TBX15: variants seen among roughly 807,000 people sequenced by gnomAD.
TBX15 encodes T-box transcription factor 15, also known as T-box transcription factor TBX15.
In TBX15, 18 loss-of-function variants were observed where a neutral mutation model predicts 53.9. The observed-to-expected ratio is 0.33, with a 90% CI of 0.23 to 0.49. The LOEUF (loss-of-function observed/expected upper bound fraction) is 0.49. TBX15 is among the 20% of genes least tolerant of loss of function. The probability of loss-of-function intolerance (pLI) is 0.98; values close to 1 mark genes in which losing one functional copy is unlikely to be tolerated. For missense variants in TBX15, 692 were observed against 749.5 expected (o/e 0.92, Z 0.90); for synonymous variants, 295 against 278.0 (o/e 1.06, Z -0.61).
rs114768630 is a variant in TBX15, at chr1:118,918,538, G to A, written c.862-4359C>T. The stretch of plus-strand genomic sequence containing the variant: ...GTAATCTCCTGTGCGACTAAAACAA[G>A]TCTGCTAGTCTACATGTCCAAACTT... On this transcript the variant is annotated intron_variant, in intron 5 of 7. Transcript: ENST00000369429. Among the ~76,000 whole-genome samples the A allele has an allele frequency of 3.7e-3, 570 of 152,282 alleles. 5 individuals are homozygous for A. Among genetic ancestry groups the A allele is most frequent in the African/African-American group, 0.013 (531 of 41,560 alleles).
rs1309949742 is a variant in TBX15 at position 118,988,059 on chromosome 1, G to C, written c.-264C>G. 1.1e-5 allele frequency: 6 copies of C among 549,770 alleles called. No individual in the cohort carries two copies. 34.1% of individuals were successfully genotyped at this position (549,770 alleles called of 1,614,324 possible). On this transcript the variant is annotated 5_prime_UTR_variant, in exon 1 of 8. Coordinates refer to ENST00000369429, the MANE Select transcript of TBX15 (RefSeq NM_001330677.2). ...CCGCCCGCTCGCTGCATGAGCGCCC[G>C]AGTCCTGCTTCCCACCCACCGGGGC... is the stretch of plus-strand genomic sequence containing the variant.
intron 1 of TBX15, among the ~76,000 whole-genome samples, chr1:118,952,888 C>G (rs1024439128): frequency 2.6e-5 from 4 of 152,128 alleles, no homozygotes; most frequent in Non-Finnish European, 5.9e-5. Context: ...CCAGGAAAAA[C>G]TGTTGTCAGC....
At chr1:118,886,943 A>G (rs980284760) in intron 7 of TBX15, among the ~76,000 whole-genome samples, 1 of 152,224 alleles carries the variant, frequency 6.6e-6, no homozygotes, top group Admixed American at 6.5e-5. Context: ...ATGCACCGAC[A>G]GACTGAGGAC....
intron 1 of TBX15, among the ~76,000 whole-genome samples, chr1:118,954,308 C>T (rs1451910806): frequency 2.0e-5 from 3 of 152,102 alleles, no homozygotes; most frequent in African/African-American, 7.2e-5. Context: ...TTCCTGGCTT[C>T]CAATGATATT....
intron 6 of TBX15, among the ~76,000 whole-genome samples, chr1:118,906,068 C>T (rs1162323099): frequency 6.6e-6 from 1 of 152,118 alleles, no homozygotes; most frequent in Non-Finnish European, 1.5e-5. Flanking sequence ...TTGACGTCAT[C>T]AACTTGGAGA....
chr1:118,938,492 TA>T (rs1166686655), intron 1 of TBX15, among the ~76,000 whole-genome samples: 1 of 152,186 alleles, frequency 6.6e-6, no homozygotes, highest in Non-Finnish European at 1.5e-5. Flanking sequence ...AGTAATTTTT[TA>T]TATCTGTTTC....
intron 1 of TBX15, among the ~76,000 whole-genome samples, chr1:118,934,801 A>T (rs1485598447): frequency 6.6e-6 from 1 of 152,220 alleles, no homozygotes; most frequent in South Asian, 2.1e-4. Flanking sequence ...GGAAATGGGC[A>T]AGTCTGTGGA....
At chr1:118,940,612 T>A (rs1176672047) in intron 1 of TBX15, among the ~76,000 whole-genome samples, 1 of 151,716 alleles carries the variant, frequency 6.6e-6, no homozygotes, top group East Asian at 1.9e-4. Flanking sequence ...TAAGTGGATA[T>A]CTATGTTTGA....
At chr1:118,945,767 A>G (rs1029707088) in intron 1 of TBX15, among the ~76,000 whole-genome samples, 1 of 152,198 alleles carries the variant, frequency 6.6e-6, no homozygotes, top group Non-Finnish European at 1.5e-5. Flanking sequence ...CCAAGCCTCT[A>G]TGCATCACTG....
At chr1:118,977,524 T>A (rs1329588102) in intron 1 of TBX15, among the ~76,000 whole-genome samples, 1 of 152,194 alleles carries the variant, frequency 6.6e-6, no homozygotes, top group African/African-American at 2.4e-5. Context: ...GGACAACTAG[T>A]AAATCCACAG....
chr1:118,987,902 G>A lies in TBX15; in HGVS notation c.-107C>T, dbSNP rs992844293. The A allele has an allele frequency of 1.0e-5, 14 of 1,398,992 alleles. No individual in the cohort carries two copies. The African/African-American group carries it at 1.9e-4, about 19-fold the overall frequency. The allele number at this position is 1,398,992 out of a possible 1,614,324, so 86.7% of individuals were successfully genotyped here. Reference sequence around the variant, plus strand: ...GGCCCGGCCCGGGAGAGGCGGAGGCGCGTCGGACGAGGCTGAGACTGCGGC... The same window carrying A: ...GGCCCGGCCCGGGAGAGGCGGAGGCACGTCGGACGAGGCTGAGACTGCGGC... On this transcript the variant is annotated 5_prime_UTR_variant, in exon 1 of 8. Coordinates refer to ENST00000369429, the MANE Select transcript of TBX15 (RefSeq NM_001330677.2).
chr1:118,919,695 C>T (rs1421143099), intron 5 of TBX15, among the ~76,000 whole-genome samples: 2 of 152,162 alleles, frequency 1.3e-5, no homozygotes, highest in African/African-American at 4.8e-5. Context: ...CAGTGCTATG[C>T]AATATAGGTC....
chr1:118,957,453 T>C (rs1656727633), intron 1 of TBX15, among the ~76,000 whole-genome samples: 1 of 152,180 alleles, frequency 6.6e-6, no homozygotes, highest in Non-Finnish European at 1.5e-5. Context: ...TCAAGATAAA[T>C]AATATTTCAA....
chr1:118,922,444 T>C (rs1571176623), intron 5 of TBX15, among the ~76,000 whole-genome samples: 1 of 152,320 alleles, frequency 6.6e-6, no homozygotes, highest in Non-Finnish European at 1.5e-5. Context: ...TAATTAGATG[T>C]CAGGTTTGTG....
chr1:118,960,166 T>C (rs1656821261), intron 1 of TBX15, among the ~76,000 whole-genome samples: 1 of 152,092 alleles, frequency 6.6e-6, no homozygotes, highest in Non-Finnish European at 1.5e-5. Flanking sequence ...GGGGACCCCC[T>C]GGCTATTTCT....
At chr1:118,986,642 G>A (rs558583847) in intron 1 of TBX15, among the ~76,000 whole-genome samples, 9 of 152,318 alleles carry the variant, frequency 5.9e-5, no homozygotes, top group African/African-American at 2.2e-4. Flanking sequence ...GGGCTTGTCA[G>A]CGTGTGAAGC....
chr1:118,884,650 C>A lies in TBX15; in HGVS notation c.*82G>T. 23 of 1,291,098 alleles carry A rather than the reference C, an allele frequency of 1.8e-5. No homozygotes were observed. The highest frequency in any genetic ancestry group is 2.0e-5 in the Non-Finnish European group (18 of 907,338). The allele number at this position is 1,291,098 out of a possible 1,614,324, so 80.0% of individuals were successfully genotyped here. ...ACACGGTTCCTGTTTTTCAAAGACA[C>A]TGGACTCCCAAAGAGGAGGATCTGA... On this transcript the variant is annotated 3_prime_UTR_variant, in exon 8 of 8. Coordinates refer to ENST00000369429, the MANE Select transcript of TBX15 (RefSeq NM_001330677.2).
At chr1:118,920,921 C>A (rs907937704) in intron 5 of TBX15, among the ~76,000 whole-genome samples, 5 of 152,016 alleles carry the variant, frequency 3.3e-5, no homozygotes, top group South Asian at 2.1e-4. Flanking sequence ...CTACTAATAA[C>A]CCCAACACTT....
intron 5 of TBX15, among the ~76,000 whole-genome samples, chr1:118,914,511 T>C (rs1393776442): frequency 2.6e-5 from 4 of 152,204 alleles, no homozygotes; most frequent in Non-Finnish European, 5.9e-5. Flanking sequence ...GTCACGTCCA[T>C]GGTACATGAC....
Sources: allele counts gnomAD v4.1 joint callset (sites outside exome capture counted in the v4.1 genomes callset), GRCh38; gene constraint gnomAD v4.1.1; transcripts MANE v1.5; gene names NCBI Gene and HGNC (gene_info 2026-07-23, HGNC 2026-07-21).